Variants in TOX observed in about 807,000 individuals in gnomAD.
TOX encodes the protein thymocyte selection-associated high mobility group box protein TOX.
Under a neutral mutation model 53.7 loss-of-function variants are expected in TOX, and 11 were observed. That is an observed-to-expected ratio of 0.20 (90% confidence interval 0.13 to 0.34). TOX has a LOEUF of 0.34. TOX is among the 10% of genes least tolerant of loss of function. TOX has a pLI of 1.00. For synonymous variants in TOX, 225 were observed against 245.3 expected (o/e 0.92, Z 0.77); for missense variants, 570 against 664.6 (o/e 0.86, Z 1.56).
chr8:58,860,995 G>T lies in TOX; in HGVS notation c.412-9190C>A, dbSNP rs191191601. ...CAGTTGGAAAGATGTTTTTTACTCAGATTGAGCCACCTCGTTTCTGATTGC... is the reference window on the plus strand; with the variant it reads ...CAGTTGGAAAGATGTTTTTTACTCATATTGAGCCACCTCGTTTCTGATTGC... On this transcript the variant is annotated intron_variant, in intron 3 of 8. Coordinates refer to ENST00000361421, the MANE Select transcript of TOX (RefSeq NM_014729.3). Among the ~76,000 whole-genome samples the T allele has an allele frequency of 1.1e-3, 170 of 152,268 alleles. 1 individual carries two copies. Among genetic ancestry groups the T allele is most frequent in the African/African-American group, 3.8e-3 (159 of 41,550 alleles).
At position 58,962,279 on chromosome 8, in the gene TOX, T is replaced by A. The variant is rs1447578710; in HGVS notation, c.103-2271A>T. Among the ~76,000 whole-genome samples the A allele has an allele frequency of 4.6e-5, 7 of 152,202 alleles. No individual in the cohort carries two copies. The South Asian group carries it at 6.2e-4, about 14-fold the overall frequency. On this transcript the variant is annotated intron_variant, in intron 1 of 8. Coordinates refer to ENST00000361421, the MANE Select transcript of TOX (RefSeq NM_014729.3). ...ATATTGAGCCAAGACTAAAACAGCA[T>A]TTTACCATAAAAGACTTGTGGCTAT...
intron 1 of TOX, among the ~76,000 whole-genome samples, chr8:58,971,095 C>T (rs1224659755): frequency 2.0e-5 from 3 of 152,160 alleles, no homozygotes; most frequent in Admixed American, 6.5e-5. Context: ...AGTCCTTAAC[C>T]TCCTCCTTGA....
At chr8:58,977,664 G>T (rs1404468701) in intron 1 of TOX, among the ~76,000 whole-genome samples, 1 of 152,156 alleles carries the variant, frequency 6.6e-6, no homozygotes, top group African/African-American at 2.4e-5. Context: ...GGAGGCCATT[G>T]TAGGGCTATT....
At chr8:59,027,073 G>A (rs545449728) in intron 1 of TOX, among the ~76,000 whole-genome samples, 10 of 152,192 alleles carry the variant, frequency 6.6e-5, no homozygotes, top group South Asian at 6.2e-4. Flanking sequence ...CCCTTTATTC[G>A]TGGTCTCACC....
chr8:59,044,220 T>C (rs1186184889), intron 1 of TOX, among the ~76,000 whole-genome samples: 1 of 129,154 alleles, frequency 7.7e-6, no homozygotes, highest in Admixed American at 8.5e-5. Flanking sequence ...TTCCCTTTCA[T>C]GGCACTCATC....
At chr8:59,076,603 G>C (rs1239183798) in intron 1 of TOX, among the ~76,000 whole-genome samples, 1 of 151,908 alleles carries the variant, frequency 6.6e-6, no homozygotes, top group African/African-American at 2.4e-5. Flanking sequence ...CTAATATAAT[G>C]GTTATTTTTT....
chr8:58,862,578 G>T (rs183084770), intron 3 of TOX, among the ~76,000 whole-genome samples: 57 of 152,172 alleles, frequency 3.7e-4, no homozygotes, highest in Non-Finnish European at 5.7e-4. Flanking sequence ...CAAAGAATTT[G>T]CCTGACTCAA....
At chr8:59,000,544 T>C (rs1169786783) in intron 1 of TOX, among the ~76,000 whole-genome samples, 1 of 152,154 alleles carries the variant, frequency 6.6e-6, no homozygotes, top group Non-Finnish European at 1.5e-5. Context: ...ATAGTATAAT[T>C]GTCTTGTTTA....
chr8:59,101,314 C>T (rs747534105), intron 1 of TOX, among the ~76,000 whole-genome samples: 4 of 152,066 alleles, frequency 2.6e-5, no homozygotes, highest in Admixed American at 6.5e-5. Flanking sequence ...GTTCCTGGCA[C>T]AAAATAACCA....
intron 3 of TOX, among the ~76,000 whole-genome samples, chr8:58,884,678 TC>T (rs1453265775): frequency 6.6e-6 from 1 of 152,140 alleles, no homozygotes; most frequent in Non-Finnish European, 1.5e-5. Flanking sequence ...AAGTTTTAAT[TC>T]AGGACAGACT....
chr8:58,867,968 T>C (rs1331457408), intron 3 of TOX, among the ~76,000 whole-genome samples: 1 of 152,172 alleles, frequency 6.6e-6, no homozygotes, highest in African/African-American at 2.4e-5. Flanking sequence ...GTATTTGATA[T>C]GGTTTAGCTG....
intron 3 of TOX, among the ~76,000 whole-genome samples, chr8:58,909,997 CAG>C (rs892781761): frequency 4.6e-5 from 7 of 152,038 alleles, no homozygotes; most frequent in African/African-American, 1.7e-4. Flanking sequence ...AAATGCCCAT[CAG>C]GGAGCAGATC....
chr8:58,963,302 G>GAT (rs748048781), intron 1 of TOX, among the ~76,000 whole-genome samples: 111 of 122,062 alleles, frequency 9.1e-4, no homozygotes, highest in Middle Eastern at 4.3e-3. Flanking sequence ...AAGATAGATA[G>GAT]ATAGATATAT....
chr8:58,978,220 G>A (rs1428879510), intron 1 of TOX, among the ~76,000 whole-genome samples: 2 of 145,106 alleles, frequency 1.4e-5, no homozygotes, highest in African/African-American at 5.8e-5. Context: ...GATAGTCCCA[G>A]GAAATTCACA....
chr8:59,013,031 A>G (rs1305585478), intron 1 of TOX, among the ~76,000 whole-genome samples: 1 of 152,106 alleles, frequency 6.6e-6, no homozygotes, highest in African/African-American at 2.4e-5. Flanking sequence ...TTATCCAGCA[A>G]TTCTATTGCT....
At chr8:58,941,595 T>C (rs936824959) in intron 2 of TOX, among the ~76,000 whole-genome samples, 55 of 152,328 alleles carry the variant, frequency 3.6e-4, no homozygotes, top group Middle Eastern at 6.8e-3. Flanking sequence ...TTTCATAATT[T>C]AAGTAATAGT....
At chr8:59,023,949 G>T (rs1237381234) in intron 1 of TOX, among the ~76,000 whole-genome samples, 1 of 152,128 alleles carries the variant, frequency 6.6e-6, no homozygotes, top group African/African-American at 2.4e-5. Context: ...TCCAAGTTGG[G>T]CACATGGAAG....
intron 1 of TOX, among the ~76,000 whole-genome samples, chr8:58,965,725 C>T (rs1161642541): frequency 6.6e-6 from 1 of 151,912 alleles, no homozygotes; most frequent in East Asian, 1.9e-4. Context: ...ATATTTGATA[C>T]TTTGATGTTT....
chr8:59,037,150 C>A (rs1219652246), intron 1 of TOX, among the ~76,000 whole-genome samples: 1 of 149,318 alleles, frequency 6.7e-6, no homozygotes, highest in Non-Finnish European at 1.5e-5. Context: ...ATCAGAAGCT[C>A]CAATGTTTCC....
Sources: allele counts gnomAD v4.1 joint callset (sites outside exome capture counted in the v4.1 genomes callset), GRCh38; gene constraint gnomAD v4.1.1; transcripts MANE v1.5; gene names NCBI Gene and HGNC (gene_info 2026-07-23, HGNC 2026-07-21).